FER: variants seen among roughly 807,000 people sequenced by gnomAD.
FER encodes FER tyrosine kinase.
Under a neutral mutation model 111.0 loss-of-function variants are expected in FER, and 63 were observed. That is an observed-to-expected ratio of 0.57 (90% CI 0.46 to 0.70). The LOEUF is 0.70. Among genes scored for constraint, FER ranks in the 30% least tolerant of loss-of-function variants. The probability of loss-of-function intolerance (pLI) is 0.00; values close to 1 mark genes in which losing one functional copy is unlikely to be tolerated. For synonymous variants in FER, 327 were observed against 313.9 expected, an observed-to-expected ratio of 1.04 and a Z score of -0.44; for missense variants, 914 against 954.0, an observed-to-expected ratio of 0.96 and a Z score of 0.55.
intron 13 of FER, among the ~76,000 whole-genome samples, chr5:108,976,236 A>C (rs1761319991): frequency 1.3e-5 from 2 of 152,042 alleles, no homozygotes; most frequent in African/African-American, 4.8e-5. Flanking sequence ...ATCACTTTAA[A>C]CCTAGATTGC....
chr5:108,839,676 C>G (rs1032456919), intron 5 of FER, among the ~76,000 whole-genome samples: 1 of 145,660 alleles, frequency 6.9e-6, no homozygotes, highest in Non-Finnish European at 1.5e-5. Context: ...CTCCCAGATT[C>G]ACGCCATTCT....
At chr5:108,806,586 G>A (rs1757233783) in intron 3 of FER, among the ~76,000 whole-genome samples, 1 of 152,218 alleles carries the variant, frequency 6.6e-6, no homozygotes, top group Non-Finnish European at 1.5e-5. Flanking sequence ...CAAGACTATG[G>A]GAACCCGCCT....
intron 17 of FER, among the ~76,000 whole-genome samples, chr5:109,115,762 T>G (rs894950978): frequency 6.6e-6 from 1 of 152,098 alleles, no homozygotes; most frequent in African/African-American, 2.4e-5. Flanking sequence ...TATTTTTATT[T>G]ATAAACTTGG....
rs374331351 is a variant in FER, at chr5:109,050,311, A to G, written c.1924+3113A>G. The stretch of plus-strand genomic sequence containing the variant: ...AAAAGTGTGTTTTACTTGCCACAGC[A>G]GGAATTATATAATGTAAACACCGTA... On this transcript the variant is annotated intron_variant, in intron 16 of 19. Transcript: ENST00000281092. 2.4e-4 allele frequency among the ~76,000 whole-genome samples: 37 copies of G among 152,334 alleles called. 1 individual carries two copies. Among genetic ancestry groups the G allele is most frequent in the African/African-American group, 8.7e-4 (36 of 41,586 alleles).
chr5:108,828,987 TTATC>T (rs1404738362), intron 3 of FER, among the ~76,000 whole-genome samples: 3 of 152,174 alleles, frequency 2.0e-5, no homozygotes, highest in Admixed American at 1.3e-4. Flanking sequence ...TAATAACAAT[TTATC>T]TATGTCCTAA....
At chr5:108,992,897 G>C (rs1175289975) in intron 13 of FER, among the ~76,000 whole-genome samples, 1 of 151,488 alleles carries the variant, frequency 6.6e-6, no homozygotes, top group African/African-American at 2.4e-5. Context: ...TCACATCCCA[G>C]ACGGGGCGGC....
intron 16 of FER, among the ~76,000 whole-genome samples, chr5:109,073,563 G>T (rs1776002601): frequency 6.6e-6 from 1 of 152,102 alleles, no homozygotes; most frequent in African/African-American, 2.4e-5. Flanking sequence ...AATATCTAAT[G>T]GGGAAAACTA....
intron 1 of FER, among the ~76,000 whole-genome samples, chr5:108,762,145 C>T (rs192954821): frequency 1.3e-5 from 2 of 152,182 alleles, no homozygotes; most frequent in East Asian, 1.9e-4. Context: ...GAACTCCTTA[C>T]GTCAGGCAAT....
intron 1 of FER, among the ~76,000 whole-genome samples, chr5:108,749,299 A>C (rs916331536): frequency 1.3e-5 from 2 of 151,494 alleles, no homozygotes; most frequent in African/African-American, 4.9e-5. Context: ...CGCCCCTCCC[A>C]CCATCCCGGG....
At chr5:109,187,189 A>C (rs1184975080) in intron 19 of FER, among the ~76,000 whole-genome samples, 1 of 152,240 alleles carries the variant, frequency 6.6e-6, no homozygotes, top group Non-Finnish European at 1.5e-5. Context: ...TGTATCTTAC[A>C]TCAGACTTTC....
At chr5:109,124,920 C>G (rs1299534678) in intron 17 of FER, among the ~76,000 whole-genome samples, 1 of 151,504 alleles carries the variant, frequency 6.6e-6, no homozygotes, top group Non-Finnish European at 1.5e-5. Flanking sequence ...GTGGCGGGCA[C>G]CTGTAGTCCC....
chr5:108,817,295 G>A (rs1048490024), intron 3 of FER, among the ~76,000 whole-genome samples: 41 of 151,992 alleles, frequency 2.7e-4, no homozygotes, highest in Non-Finnish European at 2.9e-4. Context: ...AGCTTTAGGG[G>A]AATTTAAGGA....
chr5:108,897,039 C>T (rs1282717836), intron 9 of FER, among the ~76,000 whole-genome samples: 2 of 152,162 alleles, frequency 1.3e-5, no homozygotes, highest in Admixed American at 6.5e-5. Flanking sequence ...GTAAGACAAC[C>T]TGTGGCCCTG....
intron 10 of FER, among the ~76,000 whole-genome samples, chr5:108,906,777 T>A (rs1366281947): frequency 1.3e-5 from 2 of 152,086 alleles, no homozygotes; most frequent in Non-Finnish European, 2.9e-5. Context: ...TATATATGTT[T>A]AAATTTGCTG....
intron 17 of FER, among the ~76,000 whole-genome samples, chr5:109,115,560 C>A (rs10477945): frequency 0.17 from 26,034 of 152,068 alleles, 2,362 homozygotes; most frequent in Non-Finnish European, 0.2. Context: ...TCAAGTTATT[C>A]AACCTAAAAT....
chr5:108,881,128 T>C (rs1042499363), intron 8 of FER, among the ~76,000 whole-genome samples: 2 of 152,182 alleles, frequency 1.3e-5, no homozygotes, highest in East Asian at 1.9e-4. Flanking sequence ...CTGTTTCTTA[T>C]CCTGTGCACT....
chr5:109,047,804 C>T (rs754479695), intron 16 of FER, among the ~76,000 whole-genome samples: 10 of 149,064 alleles, frequency 6.7e-5, no homozygotes, highest in Non-Finnish European at 1.5e-4. Flanking sequence ...TTATGAACTT[C>T]TTTCATATGT....
intron 8 of FER, among the ~76,000 whole-genome samples, chr5:108,878,961 C>T (rs776445796): frequency 6.6e-6 from 1 of 152,090 alleles, no homozygotes. Flanking sequence ...TTCCCACTTA[C>T]CGGCTCTGTG....
At chr5:108,781,612 G>T (rs1238832996) in intron 2 of FER, among the ~76,000 whole-genome samples, 2 of 152,188 alleles carry the variant, frequency 1.3e-5, no homozygotes, top group Non-Finnish European at 2.9e-5. Context: ...AGGTGTTGGG[G>T]GATAGGAAGC....
Sources: allele counts gnomAD v4.1 joint callset (sites outside exome capture counted in the v4.1 genomes callset), GRCh38; gene constraint gnomAD v4.1.1; transcripts MANE v1.5; gene names NCBI Gene and HGNC (gene_info 2026-07-23, HGNC 2026-07-21).